NEO1: variants seen among roughly 807,000 people sequenced by gnomAD.
The protein encoded by NEO1 is neogenin.
A neutral mutation model predicts 159.7 loss-of-function variants in NEO1; 63 were observed. The observed-to-expected ratio is 0.39, with a 90% confidence interval of 0.32 to 0.49. The LOEUF is 0.49. Among genes scored for constraint, NEO1 ranks in the 20% least tolerant of loss-of-function variants. The pLI, the probability that NEO1 is intolerant of heterozygous loss-of-function variation, is 0.85. For missense variants in NEO1, 1,615 were observed against 1,831.0 expected (o/e 0.88, Z 2.15); for synonymous variants, 633 against 662.0 (o/e 0.96, Z 0.67).
chr15:73,226,288 C>T (rs536648517), intron 7 of NEO1, among the ~76,000 whole-genome samples: 6 of 152,316 alleles, frequency 3.9e-5, no homozygotes, highest in East Asian at 1.9e-4. Context: ...CTGCTCTGTC[C>T]GTCCAAGTCG....
intron 27 of NEO1, among the ~76,000 whole-genome samples, chr15:73,299,350 A>G (rs1007967704): frequency 6.6e-6 from 1 of 152,066 alleles, no homozygotes; most frequent in Admixed American, 6.6e-5. Context: ...TCATGTTAAG[A>G]TAAGTAGCAT....
chr15:73,159,854 C>G (rs1253083128), intron 5 of NEO1, among the ~76,000 whole-genome samples: 2 of 151,980 alleles, frequency 1.3e-5, no homozygotes, highest in Non-Finnish European at 2.9e-5. Context: ...ACTAAATCAC[C>G]CTATAAAAGA....
intron 7 of NEO1, among the ~76,000 whole-genome samples, chr15:73,188,057 A>G (rs985858058): frequency 1.3e-5 from 2 of 152,118 alleles, no homozygotes; most frequent in African/African-American, 2.4e-5. Context: ...TGCTATATTT[A>G]CTTCTTGCAA....
chr15:73,285,931 C>T (rs2041927867), intron 23 of NEO1, among the ~76,000 whole-genome samples: 1 of 152,136 alleles, frequency 6.6e-6, no homozygotes, highest in Admixed American at 6.5e-5. Context: ...CATTGTCTTC[C>T]ATTTTTCTAA....
At chr15:73,151,426 A>G (rs1374791613) in intron 5 of NEO1, among the ~76,000 whole-genome samples, 1 of 152,206 alleles carries the variant, frequency 6.6e-6, no homozygotes, top group African/African-American at 2.4e-5. Context: ...TGTCTTTAGA[A>G]ATAGTTGATT....
chr15:73,269,870 G>A (rs1596540455), intron 16 of NEO1, 140 bp from the exon 17 acceptor site: 4 of 712,644 alleles, frequency 5.6e-6, no homozygotes, highest in Non-Finnish European at 7.2e-6. Context: ...ATGAATGGTG[G>A]TTATCTATTA....
At chr15:73,186,125 A>G (rs192681105) in intron 7 of NEO1, among the ~76,000 whole-genome samples, 52 of 152,096 alleles carry the variant, frequency 3.4e-4, no homozygotes, top group Non-Finnish European at 6.6e-4. Context: ...AAGACACATT[A>G]CATACAGAGG....
chr15:73,169,643 C>CTTTTT (rs35991255), intron 5 of NEO1, among the ~76,000 whole-genome samples: 13 of 105,236 alleles, frequency 1.2e-4, no homozygotes, highest in East Asian at 3.1e-4. Context: ...CTCCCCCCTC[C>CTTTTT]TTTTTTTTTT....
intron 1 of NEO1, among the ~76,000 whole-genome samples, chr15:73,056,200 A>G (rs1361612198): frequency 2.0e-5 from 3 of 152,192 alleles, no homozygotes; most frequent in Admixed American, 1.3e-4. Context: ...CCTAACATGC[A>G]CCTTGCATTC....
At chr15:73,086,777 C>G (rs981491780) in intron 1 of NEO1, among the ~76,000 whole-genome samples, 1 of 141,058 alleles carries the variant, frequency 7.1e-6, no homozygotes, top group African/African-American at 2.8e-5. Flanking sequence ...GCCTCAGCCT[C>G]CTGAGTAGCT....
chr15:73,243,728 A>G (rs959720751), intron 8 of NEO1, among the ~76,000 whole-genome samples: 1 of 152,230 alleles, frequency 6.6e-6, no homozygotes, highest in African/African-American at 2.4e-5. Flanking sequence ...AAGTTTGTCA[A>G]ACATTTCATA....
intron 15 of NEO1, among the ~76,000 whole-genome samples, chr15:73,263,323 A>G (rs1940795349): frequency 1.3e-5 from 2 of 151,510 alleles, no homozygotes; most frequent in African/African-American, 4.8e-5. Flanking sequence ...CCTCCTGAGT[A>G]GCTGGGATTA....
chr15:73,220,496 TCTC>T (rs1185870090), intron 7 of NEO1, among the ~76,000 whole-genome samples: 2 of 152,194 alleles, frequency 1.3e-5, no homozygotes, highest in Non-Finnish European at 2.9e-5. Context: ...TTGGGGAAGT[TCTC>T]CTGGATAATA....
rs750752931 is a variant in NEO1 at position 73,122,759 on chromosome 15, C to T, written c.683C>T (p.Pro228Leu). The T allele has an allele frequency of 1.2e-6, 2 of 1,614,000 alleles. No individual in the cohort carries two copies. Among genetic ancestry groups the T allele is most frequent in the South Asian group, 1.1e-5 (1 of 91,088 alleles). The change falls in exon 3 of 29, where the codon CCA (proline) becomes CTA (leucine). Residue 228 changes from proline to leucine, a missense_variant. Around this residue, in one of 3 missense-constraint regions of NEO1, gnomAD observed 1,018 missense variants for 1,115.4 expected, o/e 0.91. Transcript: ENST00000261908. ...LYRCVVESGG[P>L]PKYSDEVELK... ...CGCTGCGTAGTGGAAAGTGGTGGGC[C>T]ACCAAAGTATAGTGATGAAGTTGAA...
intron 7 of NEO1, among the ~76,000 whole-genome samples, chr15:73,187,734 T>C (rs925214372): frequency 6.6e-6 from 1 of 152,216 alleles, no homozygotes; most frequent in Non-Finnish European, 1.5e-5. Flanking sequence ...GGGCACAGTT[T>C]GCGAATCTCA....
intron 5 of NEO1, among the ~76,000 whole-genome samples, chr15:73,145,223 T>TA (rs2032788074): frequency 6.6e-6 from 1 of 152,226 alleles, no homozygotes; most frequent in African/African-American, 2.4e-5. Flanking sequence ...TCAACCCCAC[T>TA]AATTGTATAA....
intron 25 of NEO1, among the ~76,000 whole-genome samples, chr15:73,290,936 A>C (rs1567711202): frequency 6.6e-6 from 1 of 152,230 alleles, no homozygotes; most frequent in Non-Finnish European, 1.5e-5. Flanking sequence ...CCTCTCCCAC[A>C]AACACTGTAC....
At chr15:73,133,855 A>T (rs900618150) in intron 4 of NEO1, among the ~76,000 whole-genome samples, 1 of 152,208 alleles carries the variant, frequency 6.6e-6, no homozygotes, top group Non-Finnish European at 1.5e-5. Flanking sequence ...GAGTAAAATC[A>T]ATCCCGTTAA....
intron 4 of NEO1, among the ~76,000 whole-genome samples, chr15:73,135,403 A>G (rs1045345837): frequency 6.6e-6 from 1 of 152,096 alleles, no homozygotes; most frequent in Non-Finnish European, 1.5e-5. Context: ...CCATAGGGAA[A>G]CTTTCAGTAG....
Sources: gnomAD v4.1 joint callset for allele counts (sites outside exome capture counted in the v4.1 genomes callset) on GRCh38, gnomAD v4.1.1 for gene constraint, gnomAD v4.1.1 regional missense constraint, MANE v1.5 for transcripts, NCBI Gene and HGNC (gene_info 2026-07-23, HGNC 2026-07-21) for gene names.